The following SYT13 variants were observed in gnomAD, a reference collection of about 807,000 sequenced individuals.
SYT13 encodes synaptotagmin-13.
A neutral mutation model predicts 38.6 loss-of-function variants in SYT13; 21 were observed. That is an observed-to-expected ratio of 0.54 (90% confidence interval 0.39 to 0.78). The LOEUF (loss-of-function observed/expected upper bound fraction) is 0.78, where lower values mean the gene tolerates loss of function less well. SYT13 is among the 30% of genes least tolerant of loss of function. The pLI, the probability that SYT13 is intolerant of heterozygous loss-of-function variation, is 0.00. For missense variants in SYT13, 495 were observed against 548.7 expected (o/e 0.90, Z 0.98); for synonymous variants, 241 against 237.6 (o/e 1.01, Z -0.13).
chr11:45,267,938 G>A (rs1854905248), intron 1 of SYT13, among the ~76,000 whole-genome samples: 1 of 152,046 alleles, frequency 6.6e-6, no homozygotes, highest in African/African-American at 2.4e-5. Context: ...CCGAGTCTGT[G>A]CCCCCAATCC....
chr11:45,262,968 A>G (rs1854837428), intron 1 of SYT13, among the ~76,000 whole-genome samples: 2 of 152,150 alleles, frequency 1.3e-5, no homozygotes, highest in South Asian at 4.1e-4. Context: ...CTTTTGGAAG[A>G]TGACCCCTGG....
intron 1 of SYT13, among the ~76,000 whole-genome samples, chr11:45,285,475 G>C (rs2135915194): frequency 6.6e-6 from 1 of 152,228 alleles, no homozygotes; most frequent in African/African-American, 2.4e-5. Context: ...CCGCTAGCTA[G>C]CTTCCCAGCT....
At chr11:45,269,372 G>T (rs567115542) in intron 1 of SYT13, 3 of 956,206 alleles carry the variant, frequency 3.1e-6, no homozygotes, top group Non-Finnish European at 3.9e-6. Flanking sequence ...AAAAAACTCC[G>T]TGGGACTGGA....
intron 1 of SYT13, among the ~76,000 whole-genome samples, chr11:45,256,134 C>T (rs1481326317): frequency 2.0e-5 from 3 of 152,178 alleles, no homozygotes; most frequent in Non-Finnish European, 4.4e-5. Flanking sequence ...GCCCATCCAT[C>T]CTATGGCTGC....
At chr11:45,274,145 G>C (rs1246176764) in intron 1 of SYT13, among the ~76,000 whole-genome samples, 1 of 152,138 alleles carries the variant, frequency 6.6e-6, no homozygotes, top group African/African-American at 2.4e-5. Context: ...TTATAAAAGT[G>C]AACATTTTCA....
chr11:45,252,541 G>C lies in SYT13; in HGVS notation c.726C>G (p.Thr242=). The change falls in exon 4 of 6, where the codon ACC becomes ACG. Residue 242 remains threonine (T), a synonymous_variant. Transcript: ENST00000020926. This position sits in a 1 kb window ranked among gnomAD's most constrained non-coding sequence, Gnocchi z 4.3. ...EELPTATLTL[T]LRTCDRFSRH... ...GGGAGAAGCGGTCGCAGGTCCTCAA[G>C]GTCAGCGTCAGGGTGGCTGTGGGGA... is the stretch of plus-strand genomic sequence containing the variant. The C allele has an allele frequency of 6.2e-7, 1 of 1,614,118 alleles. No homozygotes were observed. The highest frequency in any genetic ancestry group is 8.5e-7 in the Non-Finnish European group (1 of 1,180,040).
chr11:45,275,736 G>A (rs1855002714), intron 1 of SYT13, among the ~76,000 whole-genome samples: 1 of 152,166 alleles, frequency 6.6e-6, no homozygotes, highest in African/African-American at 2.4e-5. Flanking sequence ...GCATCACACT[G>A]GCCTGGTAAG....
chr11:45,271,423 G>C (rs528269618), intron 1 of SYT13, among the ~76,000 whole-genome samples: 1 of 152,292 alleles, frequency 6.6e-6, no homozygotes, highest in African/African-American at 2.4e-5. Context: ...CAATGAGAGA[G>C]AGAGAGAGGC....
intron 4 of SYT13, among the ~76,000 whole-genome samples, chr11:45,250,132 C>A (rs1854655416): frequency 6.6e-6 from 1 of 152,320 alleles, no homozygotes; most frequent in Non-Finnish European, 1.5e-5. Flanking sequence ...GCCTGGACTT[C>A]CAGCTTTCTC....
intron 1 of SYT13, among the ~76,000 whole-genome samples, chr11:45,278,783 G>T (rs1357906837): frequency 6.6e-6 from 1 of 152,186 alleles, no homozygotes; most frequent in South Asian, 2.1e-4. Context: ...AGGGACACAG[G>T]CTTAGGGGTC....
At chr11:45,281,258 T>C (rs895184632) in intron 1 of SYT13, among the ~76,000 whole-genome samples, 4 of 152,272 alleles carry the variant, frequency 2.6e-5, no homozygotes, top group Non-Finnish European at 5.9e-5. Flanking sequence ...ACCTTAGAAC[T>C]AATCTACTAG....
Position 45,252,673 on chromosome 11 carries a change from A to C in SYT13, c.594T>G (p.Ser198Arg), listed in dbSNP as rs757898124. ...CCACAGAGCCGGTCCTATTGGCCACACTCCCTTGGACGTAGCAGTCACAGC... is the reference window on the plus strand; with the variant it reads ...CCACAGAGCCGGTCCTATTGGCCACCCTCCCTTGGACGTAGCAGTCACAGC... ...DGGCDCYVQG[S>R]VANRTGSVEA... The change falls in exon 4 of 6, where the codon AGT becomes AGG. Residue 198 changes from serine to arginine, a missense_variant. Physicochemically the swap from Ser to Arg is moderately radical, Grantham distance 110. Coordinates refer to ENST00000020926, the MANE Select transcript of SYT13 (RefSeq NM_020826.3). The surrounding 1 kb of genome is among the most constrained non-coding windows in gnomAD (Gnocchi z 4.3). The C allele has an allele frequency of 6.3e-7, 1 of 1,596,560 alleles. No homozygotes were observed. Among genetic ancestry groups the C allele is most frequent in the Non-Finnish European group, 8.6e-7 (1 of 1,166,502 alleles).
chr11:45,273,763 A>G (rs942970314), intron 1 of SYT13, among the ~76,000 whole-genome samples: 1 of 152,246 alleles, frequency 6.6e-6, no homozygotes, highest in Non-Finnish European at 1.5e-5. Context: ...TGGAATGTTC[A>G]TGTTCCCCTT....
At chr11:45,269,618 C>A in intron 1 of SYT13, 2 of 475,554 alleles carry the variant, frequency 4.2e-6, no homozygotes, top group Admixed American at 4.0e-5. Flanking sequence ...TAAAAAATAA[C>A]CTAATTATTT....
At chr11:45,269,519 CA>C in intron 1 of SYT13, 1 of 1,268,592 alleles carries the variant, frequency 7.9e-7, no homozygotes, top group Non-Finnish European at 1.0e-6. Flanking sequence ...CTGCAATGCA[CA>C]ACACAAACTT....
At chr11:45,253,211 C>T (rs1408891183) in intron 3 of SYT13, among the ~76,000 whole-genome samples, 1 of 152,166 alleles carries the variant, frequency 6.6e-6, no homozygotes, top group Admixed American at 6.5e-5. Flanking sequence ...GAAATGTACA[C>T]CTTGGGTACT....
Position 45,241,288 on chromosome 11 carries a change from T to C in SYT13, c.*2764A>G, listed in dbSNP as rs1300125817. ...CATTAATTCACTCAACAAATATATA[T>C]GAATATATATGGAGCACCCATGAGA... On this transcript the variant is annotated 3_prime_UTR_variant, in exon 6 of 6. Transcript: ENST00000020926. 2 of 152,184 alleles carry C rather than the reference T, an allele frequency of 1.3e-5. No homozygotes were observed. Among genetic ancestry groups the C allele is most frequent in the East Asian group, 1.9e-4 (1 of 5,198 alleles). The allele number at this position is 152,184 out of a possible 1,614,324, so 9.4% of individuals were successfully genotyped here.
chr11:45,243,189 G>C lies in SYT13; in HGVS notation c.*863C>G, dbSNP rs1463137126. 2 of 152,114 alleles carry C rather than the reference G, an allele frequency of 1.3e-5. No homozygotes were observed. The highest frequency in any genetic ancestry group is 1.5e-5 in the Non-Finnish European group (1 of 68,014). The allele number at this position is 152,114 out of a possible 1,614,324, so 9.4% of individuals were successfully genotyped here. On this transcript the variant is annotated 3_prime_UTR_variant, in exon 6 of 6. Transcript: ENST00000020926. ...GGTCTCCCCAAGGATAATAGAAACT[G>C]ATTTTAAGATAAAAACAATAAAATT...
chr11:45,269,477 C>G lies in SYT13; in HGVS notation c.184-13586G>C, dbSNP rs755370223. ...TCACATCACAAAGCCCTTTGGCCAC[C>G]ACCTCTGTAAACTTCATATGTAACA... On this transcript the variant is annotated intron_variant, in intron 1 of 5. Transcript: ENST00000020926. 3.3e-5 allele frequency: 42 copies of G among 1,285,912 alleles called. No homozygotes were observed. The African/African-American group carries it at 6.1e-4, about 19-fold the overall frequency. The allele number at this position is 1,285,912 out of a possible 1,614,324, so 79.7% of individuals were successfully genotyped here.
Sources: allele counts gnomAD v4.1 joint callset (sites outside exome capture counted in the v4.1 genomes callset), GRCh38; gene constraint gnomAD v4.1.1; non-coding constraint Gnocchi (gnomAD v3.1); transcripts MANE v1.5; gene names NCBI Gene and HGNC (gene_info 2026-07-23, HGNC 2026-07-21).